Variants in SLC22A5 observed in about 807,000 individuals in gnomAD.
SLC22A5 encodes the protein solute carrier family 22 member 5, also known as organic cation/carnitine transporter 2.
SLC22A5 carries 44 observed loss-of-function variants against 56.7 expected under a neutral mutation model. The observed-to-expected ratio is 0.78, with a 90% CI of 0.61 to 1.00. SLC22A5 has a LOEUF of 1.00. Ranked by LOEUF, SLC22A5 falls within the 50% of genes least tolerant of loss-of-function variation. The pLI is 0.00. For synonymous variants in SLC22A5, 278 were observed against 292.1 expected, an observed-to-expected ratio of 0.95 and a Z score of 0.49; for missense variants, 675 against 723.0, an observed-to-expected ratio of 0.93 and a Z score of 0.76.
chr5:132,373,749 C>T (rs1752031512), intron 1 of SLC22A5, among the ~76,000 whole-genome samples: 1 of 152,204 alleles, frequency 6.6e-6, no homozygotes, highest in African/African-American at 2.4e-5. Context: ...CTGGCCTCTC[C>T]TCTGGCCCCT....
intron 5 of SLC22A5, chr5:132,387,870 A>G (rs1026124851): frequency 6.4e-6 from 1 of 156,068 alleles, no homozygotes; most frequent in African/African-American, 2.4e-5. Flanking sequence ...ATGAGAGGTT[A>G]GAAGCTGTAA....
intron 1 of SLC22A5, among the ~76,000 whole-genome samples, chr5:132,374,108 C>CG (rs1270012699): frequency 6.6e-6 from 1 of 151,366 alleles, no homozygotes; most frequent in East Asian, 1.9e-4. Flanking sequence ...CCCAGCTACT[C>CG]GGGAGGGAGG....
At chr5:132,387,313 G>A (rs534286199) in intron 5 of SLC22A5, among the ~76,000 whole-genome samples, 162 bp downstream of exon 5, 6 of 69,370 alleles carry the variant, frequency 8.6e-5, no homozygotes, top group African/African-American at 2.3e-4. Flanking sequence ...ACCCCCACAC[G>A]GGCCCTGTTA....
intron 1 of SLC22A5, among the ~76,000 whole-genome samples, chr5:132,371,329 A>AT (rs1751920609): frequency 6.6e-6 from 1 of 152,000 alleles, no homozygotes; most frequent in African/African-American, 2.4e-5. Context: ...GACCTGGAAT[A>AT]TTTTCTCAGG....
intron 5 of SLC22A5, 94 bp downstream of exon 5, chr5:132,387,245 C>T (rs1243036170): frequency 1.1e-5 from 16 of 1,483,188 alleles, no homozygotes; most frequent in Non-Finnish European, 1.4e-5. Flanking sequence ...CTCACAGCAG[C>T]CCAGCCCTCT....
chr5:132,388,429 C>T (rs1285360391), intron 5 of SLC22A5, among the ~76,000 whole-genome samples: 1 of 152,208 alleles, frequency 6.6e-6, no homozygotes, highest in Admixed American at 6.5e-5. Flanking sequence ...GGTCAATTTT[C>T]CTGTTTTTCT....
At chr5:132,371,002 AGTCGT>A (rs1473852446) in intron 1 of SLC22A5, among the ~76,000 whole-genome samples, 1 of 141,312 alleles carries the variant, frequency 7.1e-6, no homozygotes, top group Non-Finnish European at 1.5e-5. Context: ...GCTGGAGCGC[AGTCGT>A]GTGTTCTTGG....
chr5:132,382,584 C>T (rs1375897600), intron 2 of SLC22A5: 2 of 152,128 alleles, frequency 1.3e-5, no homozygotes, highest in Admixed American at 6.5e-5. Context: ...ACTATTTTTT[C>T]CCATCTCAGT....
Position 132,378,474 on chromosome 5 carries a change from TCAGA to T in SLC22A5, c.494_497del (p.Asp165GlyfsTer10), listed in dbSNP as rs2126775820. 6.2e-7 allele frequency: 1 copy of T among 1,613,312 alleles called. No individual in the cohort carries two copies. The highest frequency in any genetic ancestry group is 2.2e-5 in the East Asian group (1 of 44,880). On this transcript the variant is annotated frameshift_variant, in exon 2 of 10. Transcript: ENST00000245407. LOFTEE classifies it high-confidence loss of function. ...GGGCTCCTTCATTTCAGGGCAGCTG[TCAGA>T]CAGGTAAGGTGTCTGTCTTCTGGAG...
chr5:132,374,072 C>T (rs1752045926), intron 1 of SLC22A5, among the ~76,000 whole-genome samples: 1 of 151,926 alleles, frequency 6.6e-6, no homozygotes, highest in Non-Finnish European at 1.5e-5. Context: ...AAAAATTAGC[C>T]CTGCGTGGTG....
rs386134221 is a variant in SLC22A5 at position 132,392,568 on chromosome 5, C to A, written c.1403C>A (p.Thr468Lys). 5.0e-6 allele frequency: 8 copies of A among 1,614,078 alleles called. No individual in the cohort carries two copies. In the African/African-American group the frequency reaches 1.1e-4, roughly 22 times the overall value. The change falls in exon 8 of 10, where the codon ACA (threonine) becomes AAA (lysine). Residue 468 changes from threonine (T) to lysine (K), a missense_variant. Transcript: ENST00000245407. ...AACATGGGTGTGGGAGTCAGCTCCA[C>A]AGCATCCCGCCTGGGCAGCATCCTG... ...VRNMGVGVSS[T>K]ASRLGSILSP... is the part of the protein sequence containing the mutation.
chr5:132,377,927 T>G (rs1752203629), intron 1 of SLC22A5: 3 of 598,810 alleles, frequency 5.0e-6, no homozygotes, highest in Non-Finnish European at 8.7e-6. Context: ...TGCCCTGGCC[T>G]TAGTTTCTTG....
intron 1 of SLC22A5, chr5:132,376,035 G>C (rs762456455): frequency 9.2e-5 from 14 of 152,296 alleles, no homozygotes; most frequent in Non-Finnish European, 1.9e-4. Context: ...ATTTAAGTAG[G>C]GGGTACTTAG....
At chr5:132,377,048 G>C (rs544412034) in intron 1 of SLC22A5, 1 of 152,622 alleles carries the variant, frequency 6.6e-6, no homozygotes, top group South Asian at 2.1e-4. Context: ...GGATGCTCCA[G>C]TTCTTCCCTG....
chr5:132,394,576 G>A lies in SLC22A5; in HGVS notation c.*304G>A, dbSNP rs1752817447. 4.4e-6 allele frequency: 2 copies of A among 450,950 alleles called. No homozygotes were observed. The highest frequency in any genetic ancestry group is 4.0e-6 in the Non-Finnish European group (1 of 250,232). 27.9% of individuals were successfully genotyped at this position (450,950 alleles called of 1,614,324 possible). The stretch of plus-strand genomic sequence containing the variant: ...TCACTAGAACCAGTGAGATCTGGAG[G>A]AATGTGAGAAGCATATGCTAAATGT... On this transcript the variant is annotated 3_prime_UTR_variant, in exon 10 of 10. Transcript: ENST00000245407.
Position 132,387,167 on chromosome 5 carries a change from G to C in SLC22A5, c.951+16G>C. On this transcript the variant is annotated intron_variant, in intron 5 of 9. Coordinates refer to ENST00000245407, the MANE Select transcript of SLC22A5 (RefSeq NM_003060.4). ...CCCGAGTGAGGTAAGCACCATGTGG[G>C]TGTGGGTGAGAGGGACAGACTGACC... 1.9e-6 allele frequency: 3 copies of C among 1,614,086 alleles called. No homozygotes were observed. The highest frequency in any genetic ancestry group is 2.5e-6 in the Non-Finnish European group (3 of 1,179,982).
chr5:132,385,202 A>T, intron 3 of SLC22A5, 126 bp from the exon 4 acceptor site: 1 of 888,894 alleles, frequency 1.1e-6, no homozygotes, highest in African/African-American at 1.6e-5. Context: ...TCCGCTCCCT[A>T]GCGCCATGAA....
At chr5:132,373,584 C>T (rs76676876) in intron 1 of SLC22A5, among the ~76,000 whole-genome samples, 2 of 151,952 alleles carry the variant, frequency 1.3e-5, no homozygotes, top group Admixed American at 6.6e-5. Context: ...TGCAGTGAAC[C>T]GAGATCGAGC....
chr5:132,373,560 C>T (rs1752016795), intron 1 of SLC22A5, among the ~76,000 whole-genome samples: 1 of 151,954 alleles, frequency 6.6e-6, no homozygotes, highest in Admixed American at 6.6e-5. Context: ...CGCTTGAACC[C>T]AGGAGGCGGG....
Sources: gnomAD v4.1 joint callset for allele counts (sites outside exome capture counted in the v4.1 genomes callset) on GRCh38, gnomAD v4.1.1 for gene constraint, MANE v1.5 for transcripts, NCBI Gene and HGNC (gene_info 2026-07-23, HGNC 2026-07-21) for gene names.